YTHDC2: variants seen among roughly 807,000 people sequenced by gnomAD.
The protein encoded by YTHDC2 is 3'-5' RNA helicase YTHDC2.
A neutral mutation model predicts 174.9 loss-of-function variants in YTHDC2; 45 were observed. The observed-to-expected ratio is 0.26, with a 90% CI of 0.20 to 0.33. The LOEUF is 0.33. Ranked by LOEUF, YTHDC2 falls within the 10% of genes least tolerant of loss-of-function variation. YTHDC2 has a pLI of 1.00. For synonymous variants in YTHDC2, 657 were observed against 574.5 expected (o/e 1.14, Z -2.05); for missense variants, 1,650 against 1,723.7 (o/e 0.96, Z 0.76).
At chr5:113,537,872 C>T (rs1337266534) in intron 7 of YTHDC2, among the ~76,000 whole-genome samples, 1 of 152,080 alleles carries the variant, frequency 6.6e-6, no homozygotes, top group Non-Finnish European at 1.5e-5. Flanking sequence ...GAATCACAAA[C>T]CTATAAGTTC....
At position 113,542,248 on chromosome 5, in the gene YTHDC2, A is replaced by T; in HGVS notation, c.1360-120A>T. ...TGAAAGGAGAAATTTTTTATGTCAAAGCATTTGCTATATTATCATAGGATT... is the reference window on the plus strand; with the variant it reads ...TGAAAGGAGAAATTTTTTATGTCAATGCATTTGCTATATTATCATAGGATT... On this transcript the variant is annotated intron_variant, in intron 9 of 29. Transcript: ENST00000161863. The T allele has an allele frequency of 3.9e-6, 4 of 1,033,912 alleles. No homozygotes were observed. In the South Asian group the frequency reaches 6.0e-5, roughly 16 times the overall value. The allele number at this position is 1,033,912 out of a possible 1,614,324, so 64.0% of individuals were successfully genotyped here.
At chr5:113,590,091 C>T (rs1238921136) in intron 26 of YTHDC2, among the ~76,000 whole-genome samples, 1 of 152,134 alleles carries the variant, frequency 6.6e-6, no homozygotes, top group African/African-American at 2.4e-5. Context: ...AAGATGACAA[C>T]AGTATTTAAC....
At chr5:113,578,606 T>C (rs527392712) in intron 23 of YTHDC2, among the ~76,000 whole-genome samples, 1 of 152,254 alleles carries the variant, frequency 6.6e-6, no homozygotes, top group Non-Finnish European at 1.5e-5. Context: ...CTTATATTTA[T>C]CTTCATTGGG....
chr5:113,560,273 C>T (rs1776871298), intron 17 of YTHDC2, among the ~76,000 whole-genome samples: 1 of 152,172 alleles, frequency 6.6e-6, no homozygotes, highest in African/African-American at 2.4e-5. Context: ...ATGACATTCC[C>T]TGGACCCTCA....
intron 7 of YTHDC2, 144 bp downstream of exon 7, chr5:113,535,942 T>C: frequency 1.6e-6 from 1 of 638,258 alleles, no homozygotes; most frequent in South Asian, 2.6e-5. Context: ...TTGTCACTTC[T>C]TTCTGTTTTC....
intron 2 of YTHDC2, among the ~76,000 whole-genome samples, chr5:113,515,923 G>C (rs1395343442): frequency 6.6e-6 from 1 of 152,184 alleles, no homozygotes; most frequent in East Asian, 1.9e-4. Flanking sequence ...TCTATTAAGA[G>C]TCTAGAGTGG....
chr5:113,526,619 T>TCAG lies in YTHDC2; in HGVS notation c.511_512insGCA (p.Leu170_Asn171insSer). On this transcript the variant is annotated inframe_insertion, in exon 4 of 30. Coordinates refer to ENST00000161863, the MANE Select transcript of YTHDC2 (RefSeq NM_022828.5). ...GAAATGAGCAAGACAAGTGGGCGAC[T>TCAG]CAACAATGGCATACCTCAGATTCCA... 6.4e-7 allele frequency: 1 copy of TCAG among 1,571,886 alleles called. No homozygotes were observed. Among genetic ancestry groups the TCAG allele is most frequent in the Non-Finnish European group, 8.6e-7 (1 of 1,156,602 alleles).
intron 7 of YTHDC2, among the ~76,000 whole-genome samples, chr5:113,536,493 C>G (rs1004565536): frequency 6.6e-6 from 1 of 152,052 alleles, no homozygotes; most frequent in South Asian, 2.1e-4. Flanking sequence ...CCACTGCACT[C>G]CAGCCTGGGT....
chr5:113,568,041 CTT>C (rs1290285091), intron 23 of YTHDC2, among the ~76,000 whole-genome samples, 192 bp downstream of exon 23: 2 of 151,930 alleles, frequency 1.3e-5, no homozygotes, highest in African/African-American at 4.8e-5. Context: ...TATAAGGTAA[CTT>C]GATGTTTATT....
intron 23 of YTHDC2, among the ~76,000 whole-genome samples, chr5:113,572,766 C>G (rs1777813205): frequency 6.6e-6 from 1 of 152,174 alleles, no homozygotes; most frequent in Non-Finnish European, 1.5e-5. Context: ...TTATCAGAAA[C>G]TAGGATTGCA....
chr5:113,588,082 T>C (rs1402669231), intron 26 of YTHDC2, among the ~76,000 whole-genome samples: 1 of 152,132 alleles, frequency 6.6e-6, no homozygotes, highest in East Asian at 1.9e-4. Flanking sequence ...GATATTTGTA[T>C]ATCTGCCCTG....
At chr5:113,546,067 TG>T (rs1302352511) in intron 10 of YTHDC2, among the ~76,000 whole-genome samples, 1 of 152,190 alleles carries the variant, frequency 6.6e-6, no homozygotes, top group Non-Finnish European at 1.5e-5. Context: ...AGTAACTTTT[TG>T]GATTTGAAAG....
Position 113,579,690 on chromosome 5 carries a change from C to T in YTHDC2, c.3349C>T (p.Pro1117Ser), listed in dbSNP as rs772041175. 10 of 1,602,422 alleles carry T rather than the reference C, an allele frequency of 6.2e-6. No individual in the cohort carries two copies. In the African/African-American group the frequency reaches 1.2e-4, roughly 19 times the overall value. ...LDEWLHFTLE[P>S]EAASLLLQLR... ...TGAGTGGCTCCATTTCACACTGGAG[C>T]CAGAGGTAAGTTGCTTTCAAGTAGT... Residue 1117 changes from proline to serine, a missense_variant, in exon 24 of 30, where the codon CCA (proline) becomes TCA (serine). Around this residue, in one of 5 missense-constraint regions of YTHDC2, gnomAD observed 913 missense variants for 940.4 expected, o/e 0.97. Transcript: ENST00000161863.
intron 2 of YTHDC2, among the ~76,000 whole-genome samples, chr5:113,516,684 C>T (rs1206808275): frequency 1.3e-5 from 2 of 151,892 alleles, no homozygotes; most frequent in Admixed American, 6.6e-5. Flanking sequence ...TTGAGAACTA[C>T]TGACATAGAG....
At chr5:113,559,727 A>G (rs188932201) in intron 17 of YTHDC2, among the ~76,000 whole-genome samples, 2 of 152,328 alleles carry the variant, frequency 1.3e-5, no homozygotes, top group East Asian at 3.9e-4. Context: ...TGCAGACAAG[A>G]GCAGAGCTTT....
intron 9 of YTHDC2, among the ~76,000 whole-genome samples, chr5:113,541,374 G>C (rs1003693200): frequency 6.6e-6 from 1 of 151,956 alleles, no homozygotes; most frequent in Non-Finnish European, 1.5e-5. Context: ...TGTATTTTTA[G>C]TAGAGACGGG....
intron 24 of YTHDC2, among the ~76,000 whole-genome samples, chr5:113,581,060 G>A (rs1778374656): frequency 6.6e-6 from 1 of 152,072 alleles, no homozygotes; most frequent in Non-Finnish European, 1.5e-5. Flanking sequence ...TGTGAATCCA[G>A]CTGCCTTCAG....
rs772137999 is a variant in YTHDC2, at chr5:113,581,549, G to A, written c.3487G>A (p.Glu1163Lys). Residue 1163 changes from glutamate to lysine, a missense_variant, in exon 25 of 30, where the codon GAA becomes AAA. Physicochemically the swap from Glu to Lys is moderately conservative, Grantham distance 56. This residue lies in a region of YTHDC2 where 913 missense variants were observed against 940.4 expected (regional missense o/e 0.97). Transcript: ENST00000161863. ...IRAIIAVLST[E>K]EQSAGLQQPS... ...AGCAATTATAGCTGTTTTAAGCACT[G>A]AAGAACAGTCTGCAGGTTTACAACA... 8.7e-6 allele frequency: 14 copies of A among 1,614,006 alleles called. No individual in the cohort carries two copies. In the South Asian group the frequency reaches 1.5e-4, roughly 18 times the overall value.
At chr5:113,556,450 A>G (rs900272721) in intron 17 of YTHDC2, 1 of 180,006 alleles carries the variant, frequency 5.6e-6, no homozygotes, top group African/African-American at 2.4e-5. Flanking sequence ...AAGCTCTTTG[A>G]AATCAACTAA....
Sources: allele counts gnomAD v4.1 joint callset (sites outside exome capture counted in the v4.1 genomes callset), GRCh38; gene constraint gnomAD v4.1.1; regional missense constraint gnomAD v4.1.1; transcripts MANE v1.5; gene names NCBI Gene and HGNC (gene_info 2026-07-23, HGNC 2026-07-21).